The following DDX10 variants were observed in gnomAD, a reference collection of about 807,000 sequenced individuals.
DDX10 encodes probable ATP-dependent RNA helicase DDX10.
DDX10 carries 74 observed loss-of-function variants against 104.3 expected under a neutral mutation model. The ratio of observed to expected loss-of-function variants is 0.71; its 90% CI spans 0.59 to 0.86. The LOEUF is 0.86. Ranked by LOEUF, DDX10 falls within the 40% of genes least tolerant of loss-of-function variation. The pLI is 0.00. For missense variants in DDX10, 952 were observed against 1,040.0 expected, an observed-to-expected ratio of 0.92 and a Z score of 1.16; for synonymous variants, 351 against 353.4, an observed-to-expected ratio of 0.99 and a Z score of 0.08.
At chr11:108,878,599 A>G (rs552894925) in intron 16 of DDX10, among the ~76,000 whole-genome samples, 18 of 152,350 alleles carry the variant, frequency 1.2e-4, no homozygotes, top group Non-Finnish European at 2.2e-4. Context: ...GTCTTATGAC[A>G]AAGACTTCCT....
chr11:108,774,795 G>T (rs962966171), intron 13 of DDX10, among the ~76,000 whole-genome samples: 11 of 152,134 alleles, frequency 7.2e-5, no homozygotes, highest in Admixed American at 6.5e-4. Flanking sequence ...CCGTTCTCCG[G>T]TATGCTTTGA....
At chr11:108,724,617 C>A (rs192158912) in intron 13 of DDX10, among the ~76,000 whole-genome samples, 1 of 151,998 alleles carries the variant, frequency 6.6e-6, no homozygotes, top group Non-Finnish European at 1.5e-5. Context: ...AAAGTAAATA[C>A]AAGAAGTTAG....
At chr11:108,849,651 T>C (rs964110612) in intron 15 of DDX10, among the ~76,000 whole-genome samples, 1 of 152,156 alleles carries the variant, frequency 6.6e-6, no homozygotes, top group Admixed American at 6.6e-5. Flanking sequence ...TAATCATTTG[T>C]AGCATGGCAG....
intron 13 of DDX10, among the ~76,000 whole-genome samples, chr11:108,785,856 T>C (rs1398768688): frequency 6.6e-6 from 1 of 152,158 alleles, no homozygotes; most frequent in East Asian, 1.9e-4. Context: ...TCAATTCTTA[T>C]TTGATTTTAA....
intron 13 of DDX10, among the ~76,000 whole-genome samples, chr11:108,755,160 A>AGAGGTGTCCAT (rs1209527396): frequency 1.3e-5 from 2 of 152,008 alleles, no homozygotes; most frequent in Admixed American, 1.3e-4. Flanking sequence ...AGAAAAACCT[A>AGAGGTGTCCAT]GAGGTGTCCA....
intron 1 of DDX10, among the ~76,000 whole-genome samples, chr11:108,670,964 T>C (rs1374336365): frequency 6.6e-6 from 1 of 152,130 alleles, no homozygotes; most frequent in African/African-American, 2.4e-5. Context: ...GTGAGAAGTA[T>C]AAGAGGATGG....
intron 13 of DDX10, among the ~76,000 whole-genome samples, chr11:108,737,115 C>T (rs2134491032): frequency 6.6e-6 from 1 of 152,172 alleles, no homozygotes; most frequent in East Asian, 1.9e-4. Context: ...GAGCCTCTTC[C>T]AAGGCATTCA....
At chr11:108,909,943 G>A (rs377234578) in intron 16 of DDX10, among the ~76,000 whole-genome samples, 1 of 152,188 alleles carries the variant, frequency 6.6e-6, no homozygotes, top group Admixed American at 6.5e-5. Flanking sequence ...GTTGTAAACA[G>A]GTGTCTTACA....
At chr11:108,796,839 G>C (rs118183911) in intron 13 of DDX10, among the ~76,000 whole-genome samples, 1 of 152,266 alleles carries the variant, frequency 6.6e-6, no homozygotes, top group East Asian at 1.9e-4. Flanking sequence ...ACTGTTGTGT[G>C]AGTGGGTTTC....
At chr11:108,747,960 TTGTC>T (rs1029429390) in intron 13 of DDX10, among the ~76,000 whole-genome samples, 6 of 151,908 alleles carry the variant, frequency 3.9e-5, no homozygotes, top group African/African-American at 1.2e-4. Context: ...GAAAAAAAAA[TTGTC>T]TGTGTAGGGG....
intron 14 of DDX10, among the ~76,000 whole-genome samples, chr11:108,839,229 T>C (rs1862603139): frequency 6.6e-6 from 1 of 152,200 alleles, no homozygotes; most frequent in African/African-American, 2.4e-5. Context: ...AGGTAGGGTC[T>C]TTTGAATATC....
At chr11:108,814,134 G>A (rs1862223593) in intron 13 of DDX10, among the ~76,000 whole-genome samples, 3 of 152,106 alleles carry the variant, frequency 2.0e-5, no homozygotes, top group African/African-American at 7.2e-5. Flanking sequence ...TTATTAGGAA[G>A]TATAGGGTAA....
chr11:108,843,688 G>A (rs1470550087), intron 15 of DDX10, among the ~76,000 whole-genome samples: 2 of 151,670 alleles, frequency 1.3e-5, no homozygotes, highest in African/African-American at 2.4e-5. Context: ...CCTGGGAGGT[G>A]GAGGTTGCAG....
intron 13 of DDX10, among the ~76,000 whole-genome samples, chr11:108,746,415 A>G (rs571320545): frequency 2.0e-4 from 31 of 151,962 alleles, no homozygotes; most frequent in Middle Eastern, 6.8e-3. Flanking sequence ...CATTGTATGG[A>G]TATATCACTT....
At chr11:108,777,511 AG>A (rs1310568496) in intron 13 of DDX10, among the ~76,000 whole-genome samples, 7 of 151,866 alleles carry the variant, frequency 4.6e-5, no homozygotes, top group Non-Finnish European at 1.0e-4. Context: ...TTAGTAGAGA[AG>A]GGGTTTCACC....
chr11:108,685,555 C>T (rs2094242700), intron 6 of DDX10, among the ~76,000 whole-genome samples: 1 of 152,184 alleles, frequency 6.6e-6, no homozygotes, highest in African/African-American at 2.4e-5. Context: ...TTGGCTCCTC[C>T]CAAGGTTATC....
At chr11:108,776,542 C>T (rs912931484) in intron 13 of DDX10, among the ~76,000 whole-genome samples, 2 of 152,088 alleles carry the variant, frequency 1.3e-5, no homozygotes, top group African/African-American at 2.4e-5. Context: ...ATTCCAAGAA[C>T]GGCCCCTCGA....
At chr11:108,905,064 C>T (rs752158007) in intron 16 of DDX10, among the ~76,000 whole-genome samples, 27 of 152,170 alleles carry the variant, frequency 1.8e-4, no homozygotes, top group South Asian at 4.2e-4. Flanking sequence ...GCGGGCTGCC[C>T]GTGGACTCTT....
intron 13 of DDX10, among the ~76,000 whole-genome samples, chr11:108,739,481 A>G (rs973774287): frequency 6.6e-6 from 1 of 152,192 alleles, no homozygotes; most frequent in Admixed American, 6.5e-5. Flanking sequence ...TATACTGTAT[A>G]CTTTTATGAA....
Sources: gnomAD v4.1 joint callset for allele counts (sites outside exome capture counted in the v4.1 genomes callset) on GRCh38, gnomAD v4.1.1 for gene constraint, MANE v1.5 for transcripts, NCBI Gene and HGNC (gene_info 2026-07-23, HGNC 2026-07-21) for gene names.